NFE2L3: variants seen among roughly 807,000 people sequenced by gnomAD.
NFE2L3 encodes NFE2 like bZIP transcription factor 3, also known as nuclear factor erythroid 2-related factor 3.
In NFE2L3, 18 loss-of-function variants were observed where a neutral mutation model predicts 23.5. The ratio of observed to expected loss-of-function variants is 0.77; its 90% CI spans 0.53 to 1.13. The LOEUF is 1.13. NFE2L3 is among the 50% of genes most tolerant of loss of function. The pLI is 0.00. For missense variants in NFE2L3, 1,152 were observed against 877.2 expected (o/e 1.31, Z -3.96); for synonymous variants, 424 against 354.5 (o/e 1.20, Z -2.20).
intron 1 of NFE2L3, chr7:26,174,473 T>G (rs916541173): frequency 2.6e-5 from 4 of 151,034 alleles, no homozygotes; most frequent in African/African-American, 7.3e-5. Flanking sequence ...GAGGGGAGAG[T>G]AGCAGGAGCA....
At chr7:26,166,026 A>T (rs890670436) in intron 1 of NFE2L3, among the ~76,000 whole-genome samples, 11 of 152,032 alleles carry the variant, frequency 7.2e-5, no homozygotes, top group African/African-American at 2.7e-4. Flanking sequence ...TTTTTGCATG[A>T]TAAAGTAGTA....
At chr7:26,175,466 C>T (rs1220826209) in intron 1 of NFE2L3, among the ~76,000 whole-genome samples, 2 of 152,110 alleles carry the variant, frequency 1.3e-5, no homozygotes, top group Non-Finnish European at 2.9e-5. Context: ...TCAGAGAGAA[C>T]CAGAATTAAT....
chr7:26,183,585 A>C, intron 2 of NFE2L3, 116 bp from the exon 3 acceptor site: 1 of 680,328 alleles, frequency 1.5e-6, no homozygotes, highest in Non-Finnish European at 2.6e-6. Context: ...AAGGAACATA[A>C]TAGCATAAAA....
chr7:26,184,160 C>T (rs1189363960), intron 3 of NFE2L3: 10 of 334,496 alleles, frequency 3.0e-5, no homozygotes, highest in Non-Finnish European at 4.4e-5. Context: ...CAGCCTCTCT[C>T]CTCCAGACTA....
intron 1 of NFE2L3, among the ~76,000 whole-genome samples, chr7:26,171,392 A>G (rs546198467): frequency 6.6e-6 from 1 of 152,182 alleles, no homozygotes; most frequent in East Asian, 1.9e-4. Context: ...AAAAATACAA[A>G]AATTATCTGG....
Position 26,185,296 on chromosome 7 carries a change from G to C in NFE2L3, c.1598G>C (p.Arg533Thr). 1.2e-6 allele frequency: 2 copies of C among 1,614,122 alleles called. No individual in the cohort carries two copies. The highest frequency in any genetic ancestry group is 2.2e-5 in the South Asian group (2 of 91,074). ...IRSRYLEDTD[R>T]NLSRDEQRAK... Reference sequence around the variant, plus strand: ...AGTAGATACCTTGAAGACACAGATAGAAACTTGAGCCGTGATGAACAGCGT... The same window carrying C: ...AGTAGATACCTTGAAGACACAGATACAAACTTGAGCCGTGATGAACAGCGT... Residue 533 changes from arginine (R) to threonine (T), a missense_variant, in exon 4 of 4, where the codon AGA (arginine) becomes ACA (threonine). Transcript: ENST00000056233.
At chr7:26,183,183 T>TA (rs1238211283) in intron 2 of NFE2L3, among the ~76,000 whole-genome samples, 2 of 152,116 alleles carry the variant, frequency 1.3e-5, no homozygotes, top group Admixed American at 6.5e-5. Context: ...TGGAAGTTGT[T>TA]TATGGTAGGA....
chr7:26,169,490 G>A (rs1342522261), intron 1 of NFE2L3, among the ~76,000 whole-genome samples: 1 of 152,174 alleles, frequency 6.6e-6, no homozygotes, highest in Non-Finnish European at 1.5e-5. Context: ...GTGACCTTAG[G>A]GGAGGCGACT....
intron 1 of NFE2L3, among the ~76,000 whole-genome samples, chr7:26,175,828 T>A (rs1784393916): frequency 6.6e-6 from 1 of 150,714 alleles, no homozygotes; most frequent in Non-Finnish European, 1.5e-5. Flanking sequence ...TTGCTTCCAA[T>A]TAGCTGTTTG....
At chr7:26,167,776 G>T (rs1257764712) in intron 1 of NFE2L3, among the ~76,000 whole-genome samples, 3 of 152,100 alleles carry the variant, frequency 2.0e-5, no homozygotes, top group Non-Finnish European at 4.4e-5. Flanking sequence ...AGCTGGTTTT[G>T]CTTTCTCTTG....
chr7:26,162,844 C>G (rs566162933), intron 1 of NFE2L3, among the ~76,000 whole-genome samples: 1 of 152,052 alleles, frequency 6.6e-6, no homozygotes, highest in South Asian at 2.1e-4. Context: ...TACTGAGTAC[C>G]TGGGATTACA....
chr7:26,173,257 TC>T (rs1281359817), intron 1 of NFE2L3, among the ~76,000 whole-genome samples: 10 of 152,102 alleles, frequency 6.6e-5, no homozygotes, highest in African/African-American at 1.4e-4. Flanking sequence ...TCAAAAAGTT[TC>T]CCCCCACAAA....
intron 2 of NFE2L3, among the ~76,000 whole-genome samples, chr7:26,180,389 C>A (rs1019118474): frequency 1.3e-5 from 2 of 152,176 alleles, no homozygotes; most frequent in African/African-American, 2.4e-5. Flanking sequence ...GGTATTCTCC[C>A]CAGCTCCTCT....
At chr7:26,179,791 C>T (rs1784474512) in intron 2 of NFE2L3, among the ~76,000 whole-genome samples, 1 of 152,202 alleles carries the variant, frequency 6.6e-6, no homozygotes, top group South Asian at 2.1e-4. Flanking sequence ...GCTGATTTCT[C>T]TGGGGTTGAG....
In NFE2L3 at chr7:26,184,544, G is replaced by GGGAGAT. The variant is rs764904786; in HGVS notation, c.847_852dup (p.Gly283_Asp284dup). 3.7e-6 allele frequency: 6 copies of GGGAGAT among 1,610,020 alleles called. No homozygotes were observed. In the African/African-American group the frequency reaches 8.0e-5, roughly 22 times the overall value. The stretch of plus-strand genomic sequence containing the variant: ...CCTTCGTTTTTCAGGGCATCTCATT[G>GGGAGAT]GGAGATATTCCTCTTCCAGGCAGTA... On this transcript the variant is annotated inframe_insertion, in exon 4 of 4. Transcript: ENST00000056233.
chr7:26,186,823 T>C lies in NFE2L3; in HGVS notation c.*1040T>C, dbSNP rs556674686. On this transcript the variant is annotated 3_prime_UTR_variant, in exon 4 of 4. Transcript: ENST00000056233. The stretch of plus-strand genomic sequence containing the variant: ...GAAAATAAACCAGGGTAAGGTAAAT[T>C]CTAGAAATAATAGCATTTGAAATGA... 2.0e-5 allele frequency: 3 copies of C among 152,200 alleles called. No homozygotes were observed. In the South Asian group the frequency reaches 6.2e-4, roughly 32 times the overall value. The allele number at this position is 152,200 out of a possible 1,614,324, so 9.4% of individuals were successfully genotyped here.
rs1212438733 is a variant in NFE2L3, at chr7:26,159,323, T to C, written c.570+6255T>C. 3.9e-5 allele frequency among the ~76,000 whole-genome samples: 6 copies of C among 152,220 alleles called. 1 individual carries two copies. The highest frequency in any genetic ancestry group is 1.4e-4 in the African/African-American group (6 of 41,458). ...TTCATTCCTCTCAAGTCTTTTATGG[T>C]TAAATTCTCAAACTCAGCTCAACCA... On this transcript the variant is annotated intron_variant, in intron 1 of 3. Transcript: ENST00000056233.
intron 1 of NFE2L3, among the ~76,000 whole-genome samples, chr7:26,176,153 G>GT (rs1171573191): frequency 6.6e-6 from 1 of 152,106 alleles, no homozygotes; most frequent in Non-Finnish European, 1.5e-5. Context: ...CACAGCACAT[G>GT]TTTCAGAGAG....
Position 26,184,793 on chromosome 7 carries a change from T to C in NFE2L3, c.1095T>C (p.Leu365=). The C allele has an allele frequency of 6.2e-7, 1 of 1,613,990 alleles. No individual in the cohort carries two copies. The highest frequency in any genetic ancestry group is 1.1e-5 in the South Asian group (1 of 91,078). ...CTGGAACTAATTTGACAGGATTTCT[T>C]TCACCGGTTGACAATCATATGAGGA... ...TLPGTNLTGF[L]SPVDNHMRNL... Residue 365 remains leucine, a synonymous_variant, in exon 4 of 4, where the codon CTT becomes CTC. Transcript: ENST00000056233.
Sources: gnomAD v4.1 joint callset for allele counts (sites outside exome capture counted in the v4.1 genomes callset) on GRCh38, gnomAD v4.1.1 for gene constraint, MANE v1.5 for transcripts, NCBI Gene and HGNC (gene_info 2026-07-23, HGNC 2026-07-21) for gene names.